REDIC1: variants seen among roughly 807,000 people sequenced by gnomAD.
REDIC1 encodes the protein regulator of DNA class I crossover intermediates 1.
the REDIC1 span, among the ~76,000 whole-genome samples, chr12:39,872,813 A>G: frequency 1.3e-5 from 2 of 152,238 alleles, no homozygotes; most frequent in Admixed American, 1.3e-4. Flanking sequence ...ATGAAATGTG[A>G]TAGAATTCAA....
chr12:39,657,174 A>T, the REDIC1 span, among the ~76,000 whole-genome samples: 3 of 152,164 alleles, frequency 2.0e-5, no homozygotes, highest in East Asian at 1.9e-4. Flanking sequence ...CTTTAAAAAA[A>T]TTTTTATGCT....
the REDIC1 span, among the ~76,000 whole-genome samples, chr12:39,740,051 G>A: frequency 6.6e-6 from 1 of 152,320 alleles, no homozygotes; most frequent in South Asian, 2.1e-4. Flanking sequence ...GGCAGCTGAT[G>A]TCATGCATTA....
chr12:39,865,461 T>A, the REDIC1 span, among the ~76,000 whole-genome samples: 3 of 152,238 alleles, frequency 2.0e-5, no homozygotes, highest in African/African-American at 7.2e-5. Context: ...ATATTCTTTT[T>A]TCTTTCCTGT....
chr12:39,682,906 G>A, the REDIC1 span: 1 of 1,612,520 alleles, frequency 6.2e-7, no homozygotes, highest in Non-Finnish European at 8.5e-7. Flanking sequence ...TGATAGTATG[G>A]GAGATACTTG....
chr12:39,650,128 A>G, the REDIC1 span: 1 of 1,158,634 alleles, frequency 8.6e-7, no homozygotes, highest in Non-Finnish European at 1.1e-6. This position sits in a 1 kb window ranked among gnomAD's most constrained non-coding sequence, Gnocchi z 4.3. Flanking sequence ...CTATTTTTAC[A>G]ATTTTAAAAT....
At chr12:39,685,059 CT>C in the REDIC1 span, 1 of 563,062 alleles carries the variant, frequency 1.8e-6, no homozygotes, top group Non-Finnish European at 2.9e-6. Flanking sequence ...GACTCTTTTT[CT>C]TATACTTTTT....
the REDIC1 span, among the ~76,000 whole-genome samples, chr12:39,691,353 G>T: frequency 1.3e-5 from 2 of 152,102 alleles, no homozygotes; most frequent in Non-Finnish European, 2.9e-5. Context: ...AACAGAGAAT[G>T]TATAGAAAAA....
the REDIC1 span, among the ~76,000 whole-genome samples, chr12:39,726,314 C>T: frequency 6.6e-6 from 1 of 151,976 alleles, no homozygotes; most frequent in Non-Finnish European, 1.5e-5. Context: ...CCTCCCCTAG[C>T]CCCCCACACC....
At chr12:39,713,279 C>CGTGTATATATGTGTATACACAT in the REDIC1 span, among the ~76,000 whole-genome samples, 125 of 19,790 alleles carry the variant, frequency 6.3e-3, 20 homozygotes, top group African/African-American at 7.5e-3. Flanking sequence ...TGTACACACA[C>CGTGTATATATGTGTATACACAT]ATACGTGTAT....
the REDIC1 span, among the ~76,000 whole-genome samples, chr12:39,718,513 C>A: frequency 6.6e-6 from 1 of 152,076 alleles, no homozygotes; most frequent in African/African-American, 2.4e-5. Flanking sequence ...GGTGTTTATC[C>A]TTCCCTTCAA....
chr12:39,865,536 C>A, the REDIC1 span, among the ~76,000 whole-genome samples: 1 of 152,096 alleles, frequency 6.6e-6, no homozygotes, highest in African/African-American at 2.4e-5. Flanking sequence ...AAGTATATCA[C>A]TTAAAAGAAT....
the REDIC1 span, among the ~76,000 whole-genome samples, chr12:39,707,410 G>T: frequency 1.3e-5 from 2 of 151,898 alleles, no homozygotes; most frequent in Non-Finnish European, 2.9e-5. Flanking sequence ...ACTACCAATG[G>T]TAACATAAAT....
At chr12:39,704,943 G>A in the REDIC1 span, among the ~76,000 whole-genome samples, 3 of 152,026 alleles carry the variant, frequency 2.0e-5, no homozygotes, top group Non-Finnish European at 4.4e-5. Context: ...GAGGGAGGAG[G>A]GATGGCATTG....
At chr12:39,796,059 C>T in the REDIC1 span, among the ~76,000 whole-genome samples, 6 of 152,154 alleles carry the variant, frequency 3.9e-5, no homozygotes, top group African/African-American at 9.7e-5. Flanking sequence ...CCCCCAGCCT[C>T]TGGCAACTAC....
At chr12:39,891,928 C>T in the REDIC1 span, among the ~76,000 whole-genome samples, 16 of 152,074 alleles carry the variant, frequency 1.1e-4, no homozygotes, top group East Asian at 3.1e-3. Context: ...TTATTGATAC[C>T]ATAGGAGGAG....
chr12:39,709,324 AATT>A, the REDIC1 span, among the ~76,000 whole-genome samples: 118,977 of 150,028 alleles, frequency 0.79, 47,864 homozygotes, highest in Non-Finnish European at 0.86. Flanking sequence ...CATCTATGGG[AATT>A]ATTATTAATT....
the REDIC1 span, among the ~76,000 whole-genome samples, chr12:39,696,080 T>G: frequency 2.6e-5 from 4 of 152,106 alleles, no homozygotes; most frequent in Non-Finnish European, 4.4e-5. Context: ...AGCTTAGGTC[T>G]CAACACCCAA....
chr12:39,788,840 G>T, the REDIC1 span, among the ~76,000 whole-genome samples: 1 of 152,088 alleles, frequency 6.6e-6, no homozygotes, highest in Non-Finnish European at 1.5e-5. Context: ...TAAATTTCCA[G>T]ACTCAAACTT....
chr12:39,664,226 T>G, the REDIC1 span, among the ~76,000 whole-genome samples: 223 of 128,278 alleles, frequency 1.7e-3, 1 homozygote, highest in African/African-American at 5.5e-3. Flanking sequence ...CCCTATACCC[T>G]CCCCCCACCC....
Sources: allele counts gnomAD v4.1 joint callset (sites outside exome capture counted in the v4.1 genomes callset), GRCh38; gene constraint gnomAD v4.1.1; non-coding constraint Gnocchi (gnomAD v3.1); transcripts MANE v1.5; gene names NCBI Gene and HGNC (gene_info 2026-07-23, HGNC 2026-07-21).